RNF144A: variants seen among roughly 807,000 people sequenced by gnomAD.
RNF144A encodes the protein E3 ubiquitin-protein ligase RNF144A.
A neutral mutation model predicts 38.7 loss-of-function variants in RNF144A; 11 were observed. That is an observed-to-expected ratio of 0.28 (90% CI 0.18 to 0.47). RNF144A has a LOEUF of 0.47. Among genes scored for constraint, RNF144A ranks in the 20% least tolerant of loss-of-function variants. The probability of loss-of-function intolerance (pLI) is 0.99; values close to 1 mark genes in which losing one functional copy is unlikely to be tolerated. For synonymous variants in RNF144A, 149 were observed against 143.9 expected, an observed-to-expected ratio of 1.04 and a Z score of -0.25; for missense variants, 316 against 377.2, an observed-to-expected ratio of 0.84 and a Z score of 1.34.
chr2:7,006,633 C>G (rs1169947203), intron 3 of RNF144A, among the ~76,000 whole-genome samples: 2 of 152,170 alleles, frequency 1.3e-5, no homozygotes, highest in Non-Finnish European at 2.9e-5. Flanking sequence ...GCCTCCCTCC[C>G]TCACTGGGAC....
rs117607171 is a variant in RNF144A at position 7,028,989 on chromosome 2, G to A, written c.658-1137G>A. On this transcript the variant is annotated intron_variant, in intron 7 of 8. Coordinates refer to ENST00000320892, the MANE Select transcript of RNF144A (RefSeq NM_014746.6). Reference sequence around the variant, plus strand: ...TGACCCCAAAAATCAGGAAACTCAAGGCTGGTGTCCTCCCCACAAGGAGAG... The same window carrying A: ...TGACCCCAAAAATCAGGAAACTCAAAGCTGGTGTCCTCCCCACAAGGAGAG... 2.6e-5 allele frequency among the ~76,000 whole-genome samples: 4 copies of A among 152,302 alleles called. No individual in the cohort carries two copies. The East Asian group carries it at 7.7e-4, about 29-fold the overall frequency.
At chr2:7,050,764 C>T (rs1466343640) in intron 6 of RNF144A, among the ~76,000 whole-genome samples, 1 of 152,216 alleles carries the variant, frequency 6.6e-6, no homozygotes, top group Non-Finnish European at 1.5e-5. Flanking sequence ...TTGGCTCCCT[C>T]ACTGGCCTCC....
intron 3 of RNF144A, among the ~76,000 whole-genome samples, chr2:6,998,248 C>T (rs533227686): frequency 3.3e-5 from 5 of 151,406 alleles, no homozygotes; most frequent in South Asian, 2.1e-4. Flanking sequence ...GTGGGTTTTT[C>T]GAATGCCTGG....
intron 1 of RNF144A, among the ~76,000 whole-genome samples, chr2:6,918,062 A>G (rs1470473369): frequency 2.0e-5 from 3 of 151,918 alleles, no homozygotes; most frequent in Non-Finnish European, 4.4e-5. Flanking sequence ...CCGCCCGCAG[A>G]CCCTGGGGCT....
intron 8 of RNF144A, among the ~76,000 whole-genome samples, chr2:7,030,419 GA>G (rs907532645): frequency 9.2e-5 from 14 of 152,092 alleles, no homozygotes; most frequent in African/African-American, 3.4e-4. Flanking sequence ...TATCCTTATG[GA>G]AGCCCTGGCC....
chr2:6,974,250 C>G (rs1668169957), intron 2 of RNF144A, among the ~76,000 whole-genome samples: 1 of 152,148 alleles, frequency 6.6e-6, no homozygotes. Context: ...TTATGGCTGC[C>G]TTATGACCAT....
intron 7 of RNF144A, among the ~76,000 whole-genome samples, chr2:7,026,273 A>G (rs1378206731): frequency 1.3e-5 from 2 of 152,236 alleles, no homozygotes; most frequent in African/African-American, 4.8e-5. Context: ...TACTAAATTA[A>G]TAGTAGAACG....
chr2:6,959,243 A>G (rs535220272), intron 2 of RNF144A, among the ~76,000 whole-genome samples: 2 of 151,988 alleles, frequency 1.3e-5, no homozygotes, highest in African/African-American at 2.4e-5. Context: ...AACTTTCACA[A>G]CTTGTTCTCT....
intron 3 of RNF144A, among the ~76,000 whole-genome samples, chr2:7,009,653 T>C (rs1258557077): frequency 2.6e-5 from 4 of 152,198 alleles, no homozygotes; most frequent in Non-Finnish European, 4.4e-5. Context: ...CTGTGCAGCT[T>C]GCTGGGCAGT....
downstream of RNF144A, among the ~76,000 whole-genome samples, chr2:7,045,729 G>A (rs1025564377): frequency 1.3e-5 from 2 of 152,150 alleles, no homozygotes; most frequent in South Asian, 2.1e-4. Flanking sequence ...GAGGGAGCAC[G>A]GACTCTGAGT....
At chr2:6,940,687 G>A (rs1665909451) in intron 1 of RNF144A, among the ~76,000 whole-genome samples, 1 of 152,166 alleles carries the variant, frequency 6.6e-6, no homozygotes, top group Non-Finnish European at 1.5e-5. Flanking sequence ...AAAAGGAGGG[G>A]ACAGAATGAA....
At chr2:7,025,459 C>T (rs1671822584) in intron 7 of RNF144A, among the ~76,000 whole-genome samples, 2 of 152,126 alleles carry the variant, frequency 1.3e-5, no homozygotes, top group Admixed American at 6.5e-5. Context: ...AGATTACCTG[C>T]GGTCAGGAGT....
intron 6 of RNF144A, among the ~76,000 whole-genome samples, chr2:7,060,130 C>G (rs1237209671): frequency 1.4e-5 from 2 of 141,508 alleles, no homozygotes; most frequent in African/African-American, 4.9e-5. Flanking sequence ...AAACATAGTT[C>G]AACTAATTGT....
intron 2 of RNF144A, 66 bp from the exon 3 acceptor site, chr2:6,996,850 C>T (rs11689407): frequency 0.073 from 111,773 of 1,537,630 alleles, 4,742 homozygotes; most frequent in South Asian, 0.14. Context: ...CCAGGAGAAC[C>T]TTGCCACGGA....
chr2:6,985,270 CT>C (rs748540904), intron 2 of RNF144A, among the ~76,000 whole-genome samples: 1,314 of 104,670 alleles, frequency 0.013, 26 homozygotes, highest in African/African-American at 0.035. Context: ...CCTCCCCCCT[CT>C]TTTTTTTTTT....
chr2:6,960,391 A>G (rs1266978344), intron 2 of RNF144A, among the ~76,000 whole-genome samples: 4 of 152,160 alleles, frequency 2.6e-5, no homozygotes, highest in African/African-American at 9.6e-5. Context: ...AAGGCATACC[A>G]TGAAGGGACT....
chr2:7,002,616 C>G (rs986947237), intron 3 of RNF144A, among the ~76,000 whole-genome samples: 4 of 152,192 alleles, frequency 2.6e-5, no homozygotes, highest in Non-Finnish European at 4.4e-5. Context: ...CAGAGACATA[C>G]AGTCATGCGC....
At chr2:6,948,461 A>C (rs1226450268) in intron 2 of RNF144A, among the ~76,000 whole-genome samples, 1 of 152,226 alleles carries the variant, frequency 6.6e-6, no homozygotes, top group Non-Finnish European at 1.5e-5. Flanking sequence ...TTGCTGGCTT[A>C]AACAATGTCC....
chr2:7,005,209 G>A (rs561990693), intron 3 of RNF144A, among the ~76,000 whole-genome samples: 1 of 152,288 alleles, frequency 6.6e-6, no homozygotes, highest in Admixed American at 6.5e-5. Flanking sequence ...AAGTCTACAT[G>A]AAAGCCTAGT....
Sources: allele counts gnomAD v4.1 joint callset (sites outside exome capture counted in the v4.1 genomes callset), GRCh38; gene constraint gnomAD v4.1.1; transcripts MANE v1.5; gene names NCBI Gene and HGNC (gene_info 2026-07-23, HGNC 2026-07-21).